Variants in BDKRB2 observed in about 807,000 individuals in gnomAD.
BDKRB2 encodes bradykinin receptor B2.
BDKRB2 carries 6 observed loss-of-function variants against 4.0 expected under a neutral mutation model. The ratio of observed to expected loss-of-function variants is 1.49; its 90% CI spans 0.81 to 2.93. The LOEUF is 2.93. BDKRB2 is among the 30% of genes most tolerant of loss of function. The pLI, the probability that BDKRB2 is intolerant of heterozygous loss-of-function variation, is 0.00. For synonymous variants in BDKRB2, 225 were observed against 215.3 expected (o/e 1.05, Z -0.40); for missense variants, 478 against 520.1 (o/e 0.92, Z 0.79).
At chr14:96,216,612 G>A (rs1890421602) in intron 1 of BDKRB2, among the ~76,000 whole-genome samples, 1 of 150,030 alleles carries the variant, frequency 6.7e-6, no homozygotes, top group African/African-American at 2.5e-5. Flanking sequence ...AACAGAGCAA[G>A]ATCCTGTTTC....
intron 2 of BDKRB2, chr14:96,238,052 G>A (rs374818268): frequency 1.8e-6 from 2 of 1,105,136 alleles, no homozygotes; most frequent in African/African-American, 3.3e-5. Flanking sequence ...CTTACCTTCA[G>A]AGGACTCTGG....
intron 1 of BDKRB2, among the ~76,000 whole-genome samples, chr14:96,226,027 T>G (rs1352088508): frequency 6.6e-6 from 1 of 152,238 alleles, no homozygotes; most frequent in Admixed American, 6.5e-5. Context: ...CTTCCCAGCC[T>G]GAGCTGTTCC....
At chr14:96,237,264 A>C in intron 2 of BDKRB2, 83 bp downstream of exon 2, 81 of 1,287,992 alleles carry the variant, frequency 6.3e-5, no homozygotes, top group Non-Finnish European at 8.5e-5. Context: ...CTCAACTCTC[A>C]TGCCCCGGAC....
chr14:96,219,618 A>G (rs1411940167), intron 1 of BDKRB2, among the ~76,000 whole-genome samples: 1 of 151,764 alleles, frequency 6.6e-6, no homozygotes, highest in East Asian at 1.9e-4. Context: ...CACATTGCAG[A>G]TGATATAGGC....
chr14:96,230,593 T>C (rs1407294585), intron 1 of BDKRB2, among the ~76,000 whole-genome samples: 1 of 143,784 alleles, frequency 7.0e-6, no homozygotes, highest in Non-Finnish European at 1.5e-5. Context: ...CGGGGCTTAA[T>C]ATTAGTTTTA....
At chr14:96,239,118 T>A in intron 2 of BDKRB2, 4 of 985,500 alleles carry the variant, frequency 4.1e-6, no homozygotes, top group Non-Finnish European at 4.8e-6. Context: ...AGCCTGACTA[T>A]CAGTGGACCT....
At chr14:96,230,341 G>A (rs898229686) in intron 1 of BDKRB2, among the ~76,000 whole-genome samples, 1 of 152,216 alleles carries the variant, frequency 6.6e-6, no homozygotes, top group African/African-American at 2.4e-5. Flanking sequence ...GCCCAGGGAT[G>A]GAACTCTGGG....
intron 1 of BDKRB2, among the ~76,000 whole-genome samples, chr14:96,228,379 C>A (rs1166814166): frequency 6.6e-6 from 1 of 152,100 alleles, no homozygotes; most frequent in Non-Finnish European, 1.5e-5. Context: ...CCTTGTCTGG[C>A]ATCCAGGAAG....
intron 1 of BDKRB2, among the ~76,000 whole-genome samples, chr14:96,208,461 G>A (rs1477562087): frequency 6.6e-6 from 1 of 152,144 alleles, no homozygotes; most frequent in Admixed American, 6.5e-5. Context: ...AAAGTTATCT[G>A]AGCCTCAGTT....
chr14:96,218,244 C>T (rs147498766), intron 1 of BDKRB2, among the ~76,000 whole-genome samples: 27 of 152,234 alleles, frequency 1.8e-4, no homozygotes, highest in Non-Finnish European at 2.8e-4. Context: ...GTTTAGTTTC[C>T]TTACTTGTTA....
At chr14:96,215,622 T>C (rs1422552618) in intron 1 of BDKRB2, among the ~76,000 whole-genome samples, 1 of 152,178 alleles carries the variant, frequency 6.6e-6, no homozygotes, top group Non-Finnish European at 1.5e-5. Flanking sequence ...CCATCTGCTT[T>C]CCTCTCACAG....
chr14:96,238,235 C>G (rs1326778072), intron 2 of BDKRB2: 1 of 512,978 alleles, frequency 1.9e-6, no homozygotes, highest in African/African-American at 2.1e-5. Context: ...CAAGTTGGTT[C>G]CCCCCATGTG....
intron 1 of BDKRB2, among the ~76,000 whole-genome samples, chr14:96,211,645 C>T (rs946282257): frequency 6.6e-6 from 1 of 152,200 alleles, no homozygotes; most frequent in Non-Finnish European, 1.5e-5. Flanking sequence ...GATGATTCCT[C>T]TCTCCACCCA....
At chr14:96,227,576 C>A (rs528899490) in intron 1 of BDKRB2, among the ~76,000 whole-genome samples, 4 of 152,156 alleles carry the variant, frequency 2.6e-5, no homozygotes, top group Admixed American at 1.3e-4. Context: ...CATGTGTGCA[C>A]AAACACATGC....
intron 1 of BDKRB2, among the ~76,000 whole-genome samples, chr14:96,232,758 C>T (rs765337105): frequency 6.6e-6 from 1 of 152,146 alleles, no homozygotes. Flanking sequence ...TCAGGAGGAA[C>T]GACTAGATTA....
Position 96,243,175 on chromosome 14 carries a change from T to TAGAAG in BDKRB2, c.*1671_*1672insAGAAG, listed in dbSNP as rs1199729366. The TAGAAG allele has an allele frequency of 6.6e-6, 1 of 152,294 alleles. No homozygotes were observed. The highest frequency in any genetic ancestry group is 2.5e-5 in the African/African-American group (1 of 39,830). 9.4% of individuals were successfully genotyped at this position (152,294 alleles called of 1,614,324 possible). ...GGCTAGAACCTGGAGGGCTAGAATCTGGAGAGCTAGAACCTGGAGGGCTAG... is the reference window on the plus strand; with the variant it reads ...GGCTAGAACCTGGAGGGCTAGAATCTAGAAGGGAGAGCTAGAACCTGGAGGGCTAG... On this transcript the variant is annotated 3_prime_UTR_variant, in exon 3 of 3. Coordinates refer to ENST00000554311, the MANE Select transcript of BDKRB2 (RefSeq NM_001379692.1).
intron 1 of BDKRB2, among the ~76,000 whole-genome samples, chr14:96,215,023 A>G: frequency 6.6e-6 from 1 of 152,198 alleles, no homozygotes; most frequent in East Asian, 1.9e-4. Flanking sequence ...ATAAACCCAT[A>G]ATTCATTCCA....
At chr14:96,220,949 G>A (rs1890546188) in intron 1 of BDKRB2, among the ~76,000 whole-genome samples, 1 of 151,994 alleles carries the variant, frequency 6.6e-6, no homozygotes, top group Admixed American at 6.5e-5. Flanking sequence ...CACCACCTGG[G>A]AGACCCCTGA....
At chr14:96,223,100 G>T in intron 1 of BDKRB2, 1 of 1,202,984 alleles carries the variant, frequency 8.3e-7, no homozygotes, top group South Asian at 1.3e-5. Context: ...CTAGCAAACC[G>T]AGCGATCATG....
Sources: allele counts gnomAD v4.1 joint callset (sites outside exome capture counted in the v4.1 genomes callset), GRCh38; gene constraint gnomAD v4.1.1; transcripts MANE v1.5; gene names NCBI Gene and HGNC (gene_info 2026-07-23, HGNC 2026-07-21).